CAMSAP2: variants seen among roughly 807,000 people sequenced by gnomAD.
CAMSAP2 encodes calmodulin regulated spectrin associated protein family member 2.
A neutral mutation model predicts 146.1 loss-of-function variants in CAMSAP2; 26 were observed. The observed-to-expected ratio is 0.18, with a 90% CI of 0.13 to 0.25. The LOEUF (loss-of-function observed/expected upper bound fraction) is 0.25. Among genes scored for constraint, CAMSAP2 ranks in the 10% least tolerant of loss-of-function variants. The probability of loss-of-function intolerance (pLI) is 1.00; values close to 1 mark genes in which losing one functional copy is unlikely to be tolerated. For missense variants in CAMSAP2, 1,381 were observed against 1,759.3 expected (o/e 0.78, Z 3.85); for synonymous variants, 499 against 596.6 (o/e 0.84, Z 2.38).
intron 2 of CAMSAP2, among the ~76,000 whole-genome samples, chr1:200,773,472 G>A (rs2103015073): frequency 6.6e-6 from 1 of 152,188 alleles, no homozygotes; most frequent in Non-Finnish European, 1.5e-5. Flanking sequence ...AGCCAGGCTG[G>A]TCTCGAACTC....
intron 1 of CAMSAP2, among the ~76,000 whole-genome samples, chr1:200,760,438 G>A (rs535719200): frequency 6.6e-6 from 1 of 152,190 alleles, no homozygotes; most frequent in Admixed American, 6.5e-5. Context: ...AGGACTAGCA[G>A]TCTCCTGAAA....
At chr1:200,838,293 G>T (rs1440463813) in intron 6 of CAMSAP2, among the ~76,000 whole-genome samples, 1 of 152,032 alleles carries the variant, frequency 6.6e-6, no homozygotes, top group Non-Finnish European at 1.5e-5. Context: ...AATATAATCA[G>T]CTTTCAGTTA....
chr1:200,752,306 T>C (rs878856859), intron 1 of CAMSAP2, among the ~76,000 whole-genome samples: 1 of 152,186 alleles, frequency 6.6e-6, no homozygotes, highest in Admixed American at 6.5e-5. Flanking sequence ...TATGTAACTT[T>C]ACTGAGCATA....
intron 7 of CAMSAP2, among the ~76,000 whole-genome samples, chr1:200,843,112 C>G (rs527275085): frequency 6.6e-6 from 1 of 152,242 alleles, no homozygotes; most frequent in African/African-American, 2.4e-5. Context: ...CTACCAATAG[C>G]TGCCCTACCC....
At chr1:200,756,339 G>C (rs1013662108) in intron 1 of CAMSAP2, among the ~76,000 whole-genome samples, 1 of 151,988 alleles carries the variant, frequency 6.6e-6, no homozygotes, top group Non-Finnish European at 1.5e-5. Context: ...TGTAGTCCCA[G>C]CTACTCGGAA....
At chr1:200,854,323 T>C (rs1045760221) in intron 13 of CAMSAP2, among the ~76,000 whole-genome samples, 1 of 152,114 alleles carries the variant, frequency 6.6e-6, no homozygotes, top group Non-Finnish European at 1.5e-5. Flanking sequence ...CAGGGATAAA[T>C]TCGTAAAAAT....
At chr1:200,813,242 A>G (rs1423519973) in intron 3 of CAMSAP2, among the ~76,000 whole-genome samples, 1 of 152,172 alleles carries the variant, frequency 6.6e-6, no homozygotes, top group African/African-American at 2.4e-5. Context: ...CCCCCTTTAT[A>G]AAGGAACCAA....
intron 11 of CAMSAP2, among the ~76,000 whole-genome samples, chr1:200,850,633 G>A (rs1667595815): frequency 6.6e-6 from 1 of 152,136 alleles, no homozygotes; most frequent in South Asian, 2.1e-4. Flanking sequence ...TAGAGACTCT[G>A]TTCCTTGCAG....
intron 4 of CAMSAP2, chr1:200,828,470 C>A: frequency 1.8e-6 from 2 of 1,086,206 alleles, no homozygotes; most frequent in Non-Finnish European, 2.7e-6. Flanking sequence ...ACTTGGAACT[C>A]CACTATCAGA....
At chr1:200,776,690 C>T (rs536201666) in intron 2 of CAMSAP2, among the ~76,000 whole-genome samples, 7 of 152,186 alleles carry the variant, frequency 4.6e-5, no homozygotes, top group Admixed American at 3.9e-4. Flanking sequence ...TGCCACTGCA[C>T]TCCAGCCTGG....
chr1:200,759,874 G>A (rs575265955), intron 1 of CAMSAP2, among the ~76,000 whole-genome samples: 1 of 152,340 alleles, frequency 6.6e-6, no homozygotes, highest in South Asian at 2.1e-4. Context: ...AGAGGAGGAG[G>A]AAGAGATACA....
intron 4 of CAMSAP2, among the ~76,000 whole-genome samples, chr1:200,816,608 ATAT>A (rs1558190470): frequency 1.1e-3 from 96 of 86,928 alleles, no homozygotes; most frequent in East Asian, 1.6e-3. Context: ...AAAAAAAAAT[ATAT>A]ATATATATAT....
chr1:200,848,157 A>G lies in CAMSAP2; in HGVS notation c.1388A>G (p.His463Arg), dbSNP rs57213993. 839 of 1,613,882 alleles carry G rather than the reference A, an allele frequency of 5.2e-4. 2 individuals carry two copies. In the African/African-American group the frequency reaches 9.4e-3, roughly 18 times the overall value. ...GAAGGACTTACTCTGAACAACAGTC[A>G]TGTATCTAAACACATTAGGAAAAAT... The part of the protein sequence containing the change: ...SNEGLTLNNS[H>R]VSKHIRKNLS... Residue 463 changes from histidine (H) to arginine (R), a missense_variant, in exon 11 of 17, where the codon CAT (histidine) becomes CGT (arginine). Around this residue, in one of 4 missense-constraint regions of CAMSAP2, gnomAD observed 447 missense variants for 462.2 expected, o/e 0.97. Coordinates refer to ENST00000358823, the MANE Select transcript of CAMSAP2 (RefSeq NM_203459.4).
intron 4 of CAMSAP2, among the ~76,000 whole-genome samples, chr1:200,816,349 T>A (rs1234915675): frequency 6.6e-6 from 1 of 151,082 alleles, no homozygotes; most frequent in East Asian, 2.0e-4. Flanking sequence ...TCCCAGCACT[T>A]TGGGAGGCTG....
intron 3 of CAMSAP2, 92 bp downstream of exon 3, chr1:200,807,629 TTCAAA>T (rs1395828087): frequency 1.1e-5 from 11 of 1,004,668 alleles, no homozygotes; most frequent in Non-Finnish European, 1.5e-5. Flanking sequence ...CTCTTTTTGT[TTCAAA>T]TCAAAGTGCA....
At chr1:200,766,901 G>T (rs541308883) in intron 2 of CAMSAP2, among the ~76,000 whole-genome samples, 1 of 152,276 alleles carries the variant, frequency 6.6e-6, no homozygotes, top group East Asian at 1.9e-4. Flanking sequence ...TACCCACTCT[G>T]TTCCTGTATT....
chr1:200,806,351 A>G (rs777081178), intron 2 of CAMSAP2, among the ~76,000 whole-genome samples: 1 of 152,230 alleles, frequency 6.6e-6, no homozygotes, highest in Non-Finnish European at 1.5e-5. Flanking sequence ...TCAGGATTGT[A>G]AAGTCAAACA....
At chr1:200,746,668 G>C (rs1326411330) in intron 1 of CAMSAP2, among the ~76,000 whole-genome samples, 2 of 151,022 alleles carry the variant, frequency 1.3e-5, no homozygotes, top group African/African-American at 4.9e-5. Context: ...GCCCAGGCTG[G>C]AGTGCAGTGG....
intron 2 of CAMSAP2, among the ~76,000 whole-genome samples, chr1:200,807,020 A>C (rs998177480): frequency 6.6e-6 from 1 of 152,202 alleles, no homozygotes; most frequent in African/African-American, 2.4e-5. Context: ...AACTTGTACT[A>C]TGTGGGTGAG....
Sources: allele counts gnomAD v4.1 joint callset (sites outside exome capture counted in the v4.1 genomes callset), GRCh38; gene constraint gnomAD v4.1.1; regional missense constraint gnomAD v4.1.1; transcripts MANE v1.5; gene names NCBI Gene and HGNC (gene_info 2026-07-23, HGNC 2026-07-21).